The following CDH22 variants were observed in gnomAD, a reference collection of about 807,000 sequenced individuals.
CDH22 encodes cadherin 22.
In CDH22, 30 loss-of-function variants were observed where a neutral mutation model predicts 58.4. That is an observed-to-expected ratio of 0.51 (90% CI 0.38 to 0.70). The LOEUF (loss-of-function observed/expected upper bound fraction) is 0.70, where lower values mean the gene tolerates loss of function less well. Among genes scored for constraint, CDH22 ranks in the 30% least tolerant of loss-of-function variants. The pLI is 0.00. For synonymous variants in CDH22, 513 were observed against 558.2 expected, an observed-to-expected ratio of 0.92 and a Z score of 1.14; for missense variants, 1,014 against 1,233.9, an observed-to-expected ratio of 0.82 and a Z score of 2.67.
rs1367741221 is a variant in CDH22, at chr20:46,300,668, G to A, written c.-400+7587C>T. 1.3e-5 allele frequency among the ~76,000 whole-genome samples: 2 copies of A among 152,210 alleles called. No homozygotes were observed. The highest frequency in any genetic ancestry group is 2.9e-5 in the Non-Finnish European group (2 of 68,052). On this transcript the variant is annotated intron_variant, in intron 1 of 11. Coordinates refer to ENST00000537909, the MANE Select transcript of CDH22 (RefSeq NM_021248.3). The surrounding 1 kb of genome is among the most constrained non-coding windows in gnomAD (Gnocchi z 4.4). ...GACCAACTTTCCAGAGGCCAAAACAGTTCTCTGCCATCCAGCATCCTTCCC... is the reference window on the plus strand; with the variant it reads ...GACCAACTTTCCAGAGGCCAAAACAATTCTCTGCCATCCAGCATCCTTCCC...
At position 46,210,592 on chromosome 20, in the gene CDH22, G is replaced by C. The variant is rs749636280; in HGVS notation, c.1033-32C>G. 17 of 1,418,844 alleles carry C rather than the reference G, an allele frequency of 1.2e-5. No individual in the cohort carries two copies. Among genetic ancestry groups the C allele is most frequent in the African/African-American group, 1.5e-5 (1 of 66,906 alleles). 87.9% of individuals were successfully genotyped at this position (1,418,844 alleles called of 1,614,324 possible). A position where few individuals can be genotyped will look rare whatever the true frequency, so the allele number is the denominator to read the frequency against. ...GAGGGAGCAGAGGGCCGGTTAGTGG[G>C]TGGGGTCTGGTGGACACTGAGGCCT... is the stretch of plus-strand genomic sequence containing the variant. On this transcript the variant is annotated intron_variant, in intron 6 of 11. Transcript: ENST00000537909. The surrounding 1 kb of genome is among the most constrained non-coding windows in gnomAD (Gnocchi z 4.5).
In CDH22 at chr20:46,210,020, C is replaced by T; in HGVS notation, c.1286+287G>A. ...GGCTGCAGCCAGCAGCGCGGAGACC[C>T]CGCCAGTGCAGTGCCCGCCTCTGTG... On this transcript the variant is annotated intron_variant, in intron 7 of 11. Transcript: ENST00000537909. The surrounding 1 kb of genome is among the most constrained non-coding windows in gnomAD (Gnocchi z 4.5). 1 of 349,984 alleles carries T rather than the reference C, an allele frequency of 2.9e-6. No homozygotes were observed. The highest frequency in any genetic ancestry group is 9.7e-5 in the South Asian group (1 of 10,298). The allele number at this position is 349,984 out of a possible 1,614,324, so 21.7% of individuals were successfully genotyped here.
In CDH22 at chr20:46,210,639, G is replaced by C; in HGVS notation, c.1033-79C>G. The C allele has an allele frequency of 1.5e-6, 2 of 1,335,314 alleles. No individual in the cohort carries two copies. The highest frequency in any genetic ancestry group is 2.0e-6 in the Non-Finnish European group (2 of 1,018,948). The allele number at this position is 1,335,314 out of a possible 1,614,324, so 82.7% of individuals were successfully genotyped here. The stretch of plus-strand genomic sequence containing the variant: ...GCCTTCACGAGGGAGGCCAAGGCAG[G>C]CGGGGTTGGCCCAAGGTCACACGTT... On this transcript the variant is annotated intron_variant, in intron 6 of 11. Transcript: ENST00000537909. This position sits in a 1 kb window ranked among gnomAD's most constrained non-coding sequence, Gnocchi z 4.5.
chr20:46,264,261 G>A (rs2086447715), intron 1 of CDH22, among the ~76,000 whole-genome samples: 1 of 152,080 alleles, frequency 6.6e-6, no homozygotes, highest in African/African-American at 2.4e-5. Context: ...TAGGCAAAGG[G>A]ACACAGTGGA....
At chr20:46,213,239 C>G (rs751997076) in intron 5 of CDH22, 51 bp from the exon 6 acceptor site, 3 of 1,508,626 alleles carry the variant, frequency 2.0e-6, no homozygotes, top group African/African-American at 1.4e-5. Context: ...CTTCCCCAGC[C>G]TCTGCCAGCA....
chr20:46,200,558 A>C (rs2085952545), intron 7 of CDH22, among the ~76,000 whole-genome samples: 1 of 151,854 alleles, frequency 6.6e-6, no homozygotes, highest in South Asian at 2.1e-4. Context: ...TTGAGGTTAC[A>C]GGCATGAACC....
intron 4 of CDH22, among the ~76,000 whole-genome samples, chr20:46,223,827 TTCCTTCCTTC>T (rs2086151645): frequency 2.0e-4 from 1 of 5,014 alleles, no homozygotes; most frequent in Non-Finnish European, 6.8e-4. Context: ...TCTTCCTTCC[TTCCTTCCTTC>T]CTTCCTTCCT....
chr20:46,261,200 G>C (rs892947297), intron 1 of CDH22, among the ~76,000 whole-genome samples: 2 of 152,164 alleles, frequency 1.3e-5, no homozygotes, highest in African/African-American at 4.8e-5. Flanking sequence ...ATGAGATGAG[G>C]CATGTGAAGG....
chr20:46,256,184 C>T (rs1164541842), intron 1 of CDH22, among the ~76,000 whole-genome samples: 2 of 152,056 alleles, frequency 1.3e-5, no homozygotes, highest in Non-Finnish European at 2.9e-5. Context: ...CTAGGCACAG[C>T]AAAAAGAAAC....
intron 1 of CDH22, among the ~76,000 whole-genome samples, chr20:46,272,688 G>A (rs939522320): frequency 7.2e-5 from 11 of 152,196 alleles, no homozygotes; most frequent in African/African-American, 2.7e-4. Flanking sequence ...ACACAGAAAT[G>A]CCTCCACTAG....
At chr20:46,207,225 G>A (rs1397818081) in intron 7 of CDH22, among the ~76,000 whole-genome samples, 2 of 152,242 alleles carry the variant, frequency 1.3e-5, no homozygotes, top group East Asian at 3.8e-4. Context: ...TGAGAAGCAG[G>A]TTTCAAAGTT....
Position 46,255,923 on chromosome 20 carries a change from G to A in CDH22, c.-399-4230C>T, listed in dbSNP as rs973614256. Among the ~76,000 whole-genome samples the A allele has an allele frequency of 2.6e-5, 4 of 152,274 alleles. No homozygotes were observed. In the East Asian group the frequency reaches 7.7e-4, roughly 29 times the overall value. On this transcript the variant is annotated intron_variant, in intron 1 of 11. Coordinates refer to ENST00000537909, the MANE Select transcript of CDH22 (RefSeq NM_021248.3). ...CTCAGGTCTCAGCCTACTGCACAGAGCTGTTTAATCCCAAATGGGATTAAA... is the reference window on the plus strand; with the variant it reads ...CTCAGGTCTCAGCCTACTGCACAGAACTGTTTAATCCCAAATGGGATTAAA...
chr20:46,265,083 G>A (rs1287224071), intron 1 of CDH22, among the ~76,000 whole-genome samples: 1 of 152,210 alleles, frequency 6.6e-6, no homozygotes, highest in African/African-American at 2.4e-5. Flanking sequence ...TGTACATCAT[G>A]TTGACAGTAG....
chr20:46,210,317 G>A lies in CDH22; in HGVS notation c.1276C>T (p.Arg426Trp). ...VTARDPDAAN[R>W]PVRYAIDRES... ...GGGCGGGGGTCTCACCGGACGGGCC[G>A]GTTGGCGGCGTCGGGGTCCCGCGCC... The change falls in exon 7 of 12, where the codon CGG (arginine) becomes TGG (tryptophan). Residue 426 changes from arginine (R) to tryptophan (W), a missense_variant. Transcript: ENST00000537909. This position sits in a 1 kb window ranked among gnomAD's most constrained non-coding sequence, Gnocchi z 4.5. 2 of 1,446,082 alleles carry A rather than the reference G, an allele frequency of 1.4e-6. No individual in the cohort carries two copies. Among genetic ancestry groups the A allele is most frequent in the South Asian group, 1.4e-5 (1 of 73,310 alleles). 89.6% of individuals were successfully genotyped at this position (1,446,082 alleles called of 1,614,324 possible). A position where few individuals can be genotyped will look rare whatever the true frequency, so the allele number is the denominator to read the frequency against.
chr20:46,295,928 A>G (rs1378401722), intron 1 of CDH22, among the ~76,000 whole-genome samples: 1 of 152,084 alleles, frequency 6.6e-6, no homozygotes, highest in Non-Finnish European at 1.5e-5. Context: ...ACTCTTGGCT[A>G]ATTTTTTAAT....
intron 3 of CDH22, among the ~76,000 whole-genome samples, chr20:46,239,390 G>T (rs941962637): frequency 3.3e-5 from 5 of 152,228 alleles, no homozygotes; most frequent in Non-Finnish European, 7.3e-5. Context: ...ATTCCTGTGT[G>T]TGTACACCAG....
Position 46,251,102 on chromosome 20 carries a change from C to A in CDH22, c.193G>T (p.Val65Leu), listed in dbSNP as rs2086368616. The A allele has an allele frequency of 3.1e-6, 5 of 1,609,404 alleles. No individual in the cohort carries two copies. The East Asian group carries it at 1.1e-4, about 37-fold the overall frequency. Residue 65 changes from valine to leucine, a missense_variant, in exon 2 of 12, where the codon GTG (valine) becomes TTG (leucine). By Grantham distance (32) the Val-to-Leu change is conservative (BLOSUM62 1). Transcript: ENST00000537909. This position sits in a 1 kb window ranked among gnomAD's most constrained non-coding sequence, Gnocchi z 6.7. Reference sequence around the variant, plus strand: ...TCTACCACGAAGAACTGGTTCCACACCCAGCCGCGTTTGACGCGGCCGGCT... The same window carrying A: ...TCTACCACGAAGAACTGGTTCCACAACCAGCCGCGTTTGACGCGGCCGGCT... ...LGAGRVKRGW[V>L]WNQFFVVEEY...
intron 1 of CDH22, among the ~76,000 whole-genome samples, chr20:46,294,435 C>A (rs983410551): frequency 2.6e-5 from 4 of 152,232 alleles, no homozygotes; most frequent in Non-Finnish European, 5.9e-5. Context: ...CACACCAGAG[C>A]TTCCCAGGGG....
intron 1 of CDH22, among the ~76,000 whole-genome samples, chr20:46,265,201 A>G (rs577016477): frequency 6.6e-6 from 1 of 152,024 alleles, no homozygotes; most frequent in Non-Finnish European, 1.5e-5. Flanking sequence ...TATTTATTCC[A>G]TTTTACAAAC....
Sources: allele counts gnomAD v4.1 joint callset (sites outside exome capture counted in the v4.1 genomes callset), GRCh38; gene constraint gnomAD v4.1.1; non-coding constraint Gnocchi (gnomAD v3.1); transcripts MANE v1.5; gene names NCBI Gene and HGNC (gene_info 2026-07-23, HGNC 2026-07-21).